OSBPL3: variants seen among roughly 807,000 people sequenced by gnomAD.
The protein encoded by OSBPL3 is oxysterol-binding protein-related protein 3.
Under a neutral mutation model 120.1 loss-of-function variants are expected in OSBPL3, and 65 were observed. The ratio of observed to expected loss-of-function variants is 0.54; its 90% CI spans 0.44 to 0.67. OSBPL3 has a LOEUF of 0.67. Among genes scored for constraint, OSBPL3 ranks in the 30% least tolerant of loss-of-function variants. The pLI is 0.00. For synonymous variants in OSBPL3, 416 were observed against 402.6 expected, an observed-to-expected ratio of 1.03 and a Z score of -0.40; for missense variants, 1,004 against 1,082.1, an observed-to-expected ratio of 0.93 and a Z score of 1.01.
intron 1 of OSBPL3, among the ~76,000 whole-genome samples, chr7:24,960,670 T>C (rs1815621660): frequency 6.6e-6 from 1 of 152,194 alleles, no homozygotes; most frequent in African/African-American, 2.4e-5. Flanking sequence ...AATAAAAAGA[T>C]GTGAAGTCTA....
chr7:24,798,551 A>G lies in OSBPL3; in HGVS notation c.*1632T>C, dbSNP rs921750528. ...CTTGGCATCTCGATAAAATGAATCCAATATTTAATGAGTTGTTTTAAAATG... is the reference window on the plus strand; with the variant it reads ...CTTGGCATCTCGATAAAATGAATCCGATATTTAATGAGTTGTTTTAAAATG... On this transcript the variant is annotated 3_prime_UTR_variant, in exon 23 of 23. Coordinates refer to ENST00000313367, the MANE Select transcript of OSBPL3 (RefSeq NM_015550.4). This position sits in a 1 kb window ranked among gnomAD's most constrained non-coding sequence, Gnocchi z 4.6. 3.3e-5 allele frequency: 5 copies of G among 152,254 alleles called. No individual in the cohort carries two copies. Among genetic ancestry groups the G allele is most frequent in the Non-Finnish European group, 7.3e-5 (5 of 68,048 alleles). The allele number at this position is 152,254 out of a possible 1,614,324, so 9.4% of individuals were successfully genotyped here.
In OSBPL3 at chr7:24,913,025, G is replaced by A. The variant is rs1186735106; in HGVS notation, c.-149-20404C>T. ...ATCCATTCGGAAAAGAATGGCGACC[G>A]CCTCACCTCAGCCGATAACCAGCAT... On this transcript the variant is annotated intron_variant, in intron 1 of 22. Coordinates refer to ENST00000313367, the MANE Select transcript of OSBPL3 (RefSeq NM_015550.4). The surrounding 1 kb of genome is among the most constrained non-coding windows in gnomAD (Gnocchi z 5.3). 6.6e-6 allele frequency among the ~76,000 whole-genome samples: 1 copy of A among 152,130 alleles called. No individual in the cohort carries two copies. Among genetic ancestry groups the A allele is most frequent in the Admixed American group, 6.5e-5 (1 of 15,268 alleles).
intron 18 of OSBPL3, 34 bp downstream of exon 18, chr7:24,816,576 C>T (rs535027225): frequency 6.0e-6 from 9 of 1,508,002 alleles, no homozygotes; most frequent in South Asian, 2.3e-5. Context: ...CCCTAAATTC[C>T]ATAAAGCTCC....
Position 24,940,050 on chromosome 7 carries a change from ATTGAC to A in OSBPL3, c.-150+39831_-150+39835del, listed in dbSNP as rs1434330383. 6.6e-6 allele frequency among the ~76,000 whole-genome samples: 1 copy of A among 152,230 alleles called. No individual in the cohort carries two copies. Among genetic ancestry groups the A allele is most frequent in the African/African-American group, 2.4e-5 (1 of 41,462 alleles). ...AATAAAGTTGGGAGAATTTCTTCCT[ATTGAC>A]TTCTGTTTCTAGATGAAATGAAAAC... On this transcript the variant is annotated intron_variant, in intron 1 of 22. Transcript: ENST00000313367. The surrounding 1 kb of genome is among the most constrained non-coding windows in gnomAD (Gnocchi z 4.4).
rs1796719584 is a variant in OSBPL3, at chr7:24,834,254, C to T, written c.1746+232G>A. The T allele has an allele frequency of 3.0e-6, 4 of 1,340,242 alleles. No homozygotes were observed. Among genetic ancestry groups the T allele is most frequent in the Admixed American group, 3.5e-5 (1 of 28,398 alleles). The allele number at this position is 1,340,242 out of a possible 1,614,324, so 83.0% of individuals were successfully genotyped here. A position where few individuals can be genotyped will look rare whatever the true frequency, so the allele number is the denominator to read the frequency against. ...CACAAACCCACAGAACAGAACTACC[C>T]CAGGCACCAAGTGCCACGGAGAAGC... is the stretch of plus-strand genomic sequence containing the variant. On this transcript the variant is annotated intron_variant, in intron 15 of 22. Transcript: ENST00000313367. The surrounding 1 kb of genome is among the most constrained non-coding windows in gnomAD (Gnocchi z 5.2).
At chr7:24,909,234 C>T (rs143275725) in intron 1 of OSBPL3, among the ~76,000 whole-genome samples, 4 of 152,282 alleles carry the variant, frequency 2.6e-5, no homozygotes, top group Admixed American at 2.0e-4. Context: ...ATAGAACTCT[C>T]GAGTTTTAAT....
rs2128541362 is a variant in OSBPL3 at position 24,972,043 on chromosome 7, A to G, written c.-150+7843T>C. Among the ~76,000 whole-genome samples the G allele has an allele frequency of 6.6e-6, 1 of 152,288 alleles. No homozygotes were observed. The highest frequency in any genetic ancestry group is 1.9e-4 in the East Asian group (1 of 5,194). On this transcript the variant is annotated intron_variant, in intron 1 of 22. Transcript: ENST00000313367. The surrounding 1 kb of genome is among the most constrained non-coding windows in gnomAD (Gnocchi z 4.3). The stretch of plus-strand genomic sequence containing the variant: ...ACTTTGCCTCAGATGCCAGACAACT[A>G]AGCTACACTAGAATCTAGCCAGCAA...
At chr7:24,926,441 G>T (rs368377872) in intron 1 of OSBPL3, among the ~76,000 whole-genome samples, 2 of 152,188 alleles carry the variant, frequency 1.3e-5, no homozygotes, top group African/African-American at 4.8e-5. Context: ...CTTTCCAGAT[G>T]ATTGAAATGC....
chr7:24,931,455 G>A (rs4332039), intron 1 of OSBPL3, among the ~76,000 whole-genome samples: 34,321 of 151,948 alleles, frequency 0.23, 4,283 homozygotes, highest in Non-Finnish European at 0.3. Flanking sequence ...ATAAGAGGGC[G>A]TCAGGAGATG....
In OSBPL3 at chr7:24,891,420, T is replaced by C. The variant is rs1217308268; in HGVS notation, c.96+957A>G. On this transcript the variant is annotated intron_variant, in intron 2 of 22. Transcript: ENST00000313367. This position sits in a 1 kb window ranked among gnomAD's most constrained non-coding sequence, Gnocchi z 4.1. Reference sequence around the variant, plus strand: ...CCCCTGATGATGTGTCATAAACGTGTAGACGTGACTGAGGTGGGAGTTGCT... The same window carrying C: ...CCCCTGATGATGTGTCATAAACGTGCAGACGTGACTGAGGTGGGAGTTGCT... Among the ~76,000 whole-genome samples, 1 of 152,196 alleles carries C rather than the reference T, an allele frequency of 6.6e-6. No homozygotes were observed. Among genetic ancestry groups the C allele is most frequent in the East Asian group, 1.9e-4 (1 of 5,198 alleles).
chr7:24,846,321 C>T (rs1798443805), intron 12 of OSBPL3, among the ~76,000 whole-genome samples: 1 of 152,204 alleles, frequency 6.6e-6, no homozygotes, highest in African/African-American at 2.4e-5. Flanking sequence ...CTATTACAAG[C>T]TGTATGTCTG....
rs1799721944 is a variant in OSBPL3, at chr7:24,855,438, C to T, written c.1028-2804G>A. ...TATTTGGTTCAAAATGTACAGCTGACAAGATTGCAATAGGTGTAAGATAAG... is the reference window on the plus strand; with the variant it reads ...TATTTGGTTCAAAATGTACAGCTGATAAGATTGCAATAGGTGTAAGATAAG... On this transcript the variant is annotated intron_variant, in intron 10 of 22. Transcript: ENST00000313367. This position sits in a 1 kb window ranked among gnomAD's most constrained non-coding sequence, Gnocchi z 4.3. 6.6e-6 allele frequency among the ~76,000 whole-genome samples: 1 copy of T among 152,108 alleles called. No homozygotes were observed. Among genetic ancestry groups the T allele is most frequent in the African/African-American group, 2.4e-5 (1 of 41,418 alleles).
intron 2 of OSBPL3, among the ~76,000 whole-genome samples, chr7:24,878,822 A>C (rs1803230815): frequency 6.6e-6 from 1 of 152,238 alleles, no homozygotes; most frequent in Admixed American, 6.5e-5. Flanking sequence ...ATCTTGTTAA[A>C]AATGCAGATT....
intron 2 of OSBPL3, among the ~76,000 whole-genome samples, chr7:24,889,447 CCA>C (rs144297564): frequency 1.3e-4 from 20 of 151,410 alleles, no homozygotes; most frequent in Admixed American, 1.1e-3. Context: ...AATGTTCTTA[CCA>C]CACACACACA....
chr7:24,863,823 T>G lies in OSBPL3; in HGVS notation c.674-224A>C, dbSNP rs1800931721. ...GCTGCTTCAGTTTGAATCCACTTAA[T>G]GAACTGTAACTATTGAGAAAATTGC... On this transcript the variant is annotated intron_variant, in intron 7 of 22. Transcript: ENST00000313367. This position sits in a 1 kb window ranked among gnomAD's most constrained non-coding sequence, Gnocchi z 5.8. Among the ~76,000 whole-genome samples, 1 of 152,232 alleles carries G rather than the reference T, an allele frequency of 6.6e-6. No homozygotes were observed.
intron 1 of OSBPL3, among the ~76,000 whole-genome samples, chr7:24,950,513 G>C (rs1814273147): frequency 6.6e-6 from 1 of 151,794 alleles, no homozygotes; most frequent in Non-Finnish European, 1.5e-5. Flanking sequence ...ACGAGGTCAG[G>C]AGATCGAAAC....
At position 24,831,251 on chromosome 7, in the gene OSBPL3, T is replaced by C. The variant is rs1343139230; in HGVS notation, c.1747-346A>G. Among the ~76,000 whole-genome samples, 1 of 152,146 alleles carries C rather than the reference T, an allele frequency of 6.6e-6. No homozygotes were observed. The highest frequency in any genetic ancestry group is 1.9e-4 in the East Asian group (1 of 5,196). On this transcript the variant is annotated intron_variant, in intron 15 of 22. Coordinates refer to ENST00000313367, the MANE Select transcript of OSBPL3 (RefSeq NM_015550.4). The surrounding 1 kb of genome is among the most constrained non-coding windows in gnomAD (Gnocchi z 4.0). Reference sequence around the variant, plus strand: ...GCCTGACAGTATCTGAGGATCCTAATATGGTGCTAAGCCTTCAGGGGTGGA... The same window carrying C: ...GCCTGACAGTATCTGAGGATCCTAACATGGTGCTAAGCCTTCAGGGGTGGA...
Position 24,968,358 on chromosome 7 carries a change from T to G in OSBPL3, c.-150+11528A>C, listed in dbSNP as rs1452160579. 6.6e-6 allele frequency among the ~76,000 whole-genome samples: 1 copy of G among 152,202 alleles called. No individual in the cohort carries two copies. Among genetic ancestry groups the G allele is most frequent in the Non-Finnish European group, 1.5e-5 (1 of 68,034 alleles). On this transcript the variant is annotated intron_variant, in intron 1 of 22. Coordinates refer to ENST00000313367, the MANE Select transcript of OSBPL3 (RefSeq NM_015550.4). This position sits in a 1 kb window ranked among gnomAD's most constrained non-coding sequence, Gnocchi z 4.6. ...AAGGGCTTGGGAAGTCACGCACAGT[T>G]GGTTCCCACATGCCGGTGTAAACTG...
intron 1 of OSBPL3, among the ~76,000 whole-genome samples, chr7:24,927,454 T>A (rs542320653): frequency 1.3e-5 from 2 of 152,326 alleles, no homozygotes; most frequent in East Asian, 3.9e-4. Context: ...TTGGCATTTC[T>A]TGGGGTATTA....
Sources: allele counts gnomAD v4.1 joint callset (sites outside exome capture counted in the v4.1 genomes callset), GRCh38; gene constraint gnomAD v4.1.1; non-coding constraint Gnocchi (gnomAD v3.1); transcripts MANE v1.5; gene names NCBI Gene and HGNC (gene_info 2026-07-23, HGNC 2026-07-21).